The following GRIK5 variants were observed in gnomAD, a reference collection of about 807,000 sequenced individuals.
The protein encoded by GRIK5 is glutamate ionotropic receptor kainate type subunit 5.
Under a neutral mutation model 97.4 loss-of-function variants are expected in GRIK5, and 43 were observed. The ratio of observed to expected loss-of-function variants is 0.44; its 90% CI spans 0.35 to 0.57. The LOEUF (loss-of-function observed/expected upper bound fraction) is 0.57, where lower values mean the gene tolerates loss of function less well. GRIK5 is among the 20% of genes least tolerant of loss of function. The probability of loss-of-function intolerance (pLI) is 0.01; values close to 1 mark genes in which losing one functional copy is unlikely to be tolerated. For synonymous variants in GRIK5, 580 were observed against 583.5 expected, an observed-to-expected ratio of 0.99 and a Z score of 0.09; for missense variants, 1,015 against 1,382.0, an observed-to-expected ratio of 0.73 and a Z score of 4.21.
rs1382940274 is a variant in GRIK5 at position 42,021,015 on chromosome 19, T to A, written c.1871+286A>T. 6.6e-6 allele frequency among the ~76,000 whole-genome samples: 1 copy of A among 152,156 alleles called. No homozygotes were observed. ...ATTGGAGTAGCCATTCTTTTATTCC[T>A]TAGCAGCCTCACTGAATCCTCACAA... On this transcript the variant is annotated intron_variant, in intron 15 of 19. Coordinates refer to ENST00000593562, the MANE Select transcript of GRIK5 (RefSeq NM_002088.5). The surrounding 1 kb of genome is among the most constrained non-coding windows in gnomAD (Gnocchi z 4.2).
At chr19:42,035,518 C>A (rs1039836668) in intron 12 of GRIK5, among the ~76,000 whole-genome samples, 2 of 151,732 alleles carry the variant, frequency 1.3e-5, no homozygotes, top group African/African-American at 4.8e-5. Flanking sequence ...CCAGCCTGGC[C>A]TACATGGTGA....
At position 42,069,652 on chromosome 19, in the gene GRIK5, T is replaced by C. The variant is rs552542355; in HGVS notation, c.-462A>G. ...GCCCCCTCCCCTAGCCGGGCCGGCC[T>C]GGGGGGGCCACAGGGGGCGAGGACT... On this transcript the variant is annotated 5_prime_UTR_variant, in exon 1 of 20. Transcript: ENST00000593562. Among the ~76,000 whole-genome samples the C allele has an allele frequency of 3.4e-3, 249 of 73,508 alleles. 2 individuals are homozygous for C. The highest frequency in any genetic ancestry group is 4.8e-3 in the African/African-American group (88 of 18,472). 48.2% of individuals were successfully genotyped at this position (73,508 alleles called of 152,430 possible). A position where few individuals can be genotyped will look rare whatever the true frequency, so the allele number is the denominator to read the frequency against.
At position 42,054,409 on chromosome 19, in the gene GRIK5, G is replaced by A. The variant is rs371938819; in HGVS notation, c.967C>T (p.Arg323Cys). The change falls in exon 9 of 20, where the codon CGC (arginine) becomes TGC (cysteine). Residue 323 changes from arginine to cysteine, a missense_variant. Arg to Cys is a radical substitution (Grantham distance 180, BLOSUM62 -3). Transcript: ENST00000593562. The stretch of plus-strand genomic sequence containing the variant: ...GGCTTCACACCGATCTCCTGGCTGC[G>A]GTTCAGCTCTCGGACAGCGCTCACC... Reference protein sequence around the residue: ...VVVSAVRELNRSQEIGVKPLA... With the variant: ...VVVSAVRELNCSQEIGVKPLA... 25 of 1,613,712 alleles carry A rather than the reference G, an allele frequency of 1.5e-5. No individual in the cohort carries two copies. Among genetic ancestry groups the A allele is most frequent in the South Asian group, 6.6e-5 (6 of 91,080 alleles).
In GRIK5 at chr19:42,002,839, G is replaced by A. The variant is rs975198839; in HGVS notation, c.2514+493C>T. 6.6e-6 allele frequency among the ~76,000 whole-genome samples: 1 copy of A among 152,070 alleles called. No homozygotes were observed. The highest frequency in any genetic ancestry group is 1.5e-5 in the Non-Finnish European group (1 of 68,002). ...CAATCTCCACCTCCCGGGTTCAAGC[G>A]ATCCTCCCATCTCAGCCTCCCGAGT... On this transcript the variant is annotated intron_variant, in intron 19 of 19. Coordinates refer to ENST00000593562, the MANE Select transcript of GRIK5 (RefSeq NM_002088.5). This position sits in a 1 kb window ranked among gnomAD's most constrained non-coding sequence, Gnocchi z 5.2.
intron 8 of GRIK5, 82 bp downstream of exon 8, chr19:42,056,580 G>T: frequency 1.6e-6 from 2 of 1,223,036 alleles, no homozygotes; most frequent in Non-Finnish European, 2.4e-6. Flanking sequence ...TTCTGAGCAT[G>T]ATCTGAGTGA....
At chr19:42,039,945 G>T (rs541632808) in intron 12 of GRIK5, among the ~76,000 whole-genome samples, 1 of 151,416 alleles carries the variant, frequency 6.6e-6, no homozygotes, top group Admixed American at 6.6e-5. Context: ...GCACTACTGC[G>T]CTCCAGCCTG....
intron 12 of GRIK5, among the ~76,000 whole-genome samples, chr19:42,039,203 GT>G (rs1466116235): frequency 6.6e-6 from 1 of 152,254 alleles, no homozygotes; most frequent in Non-Finnish European, 1.5e-5. Context: ...GCCGGGCATG[GT>G]GGCTCATGCC....
Position 42,065,353 on chromosome 19 carries a change from G to A in GRIK5, c.114C>T (p.Arg38=), listed in dbSNP as rs140950351. The stretch of plus-strand genomic sequence containing the variant: ...CCAAGGCCAAGGCCAGACGCTCACC[G>A]CGGCCACACACTGTCTGATCATCCA... The part of the protein sequence containing the change: ...AILDDQTVCG[R]GERLALALAR... The change falls in exon 3 of 20, where the codon CGC becomes CGT. Residue 38 remains arginine (R), a synonymous_variant. Coordinates refer to ENST00000593562, the MANE Select transcript of GRIK5 (RefSeq NM_002088.5). This position sits in a 1 kb window ranked among gnomAD's most constrained non-coding sequence, Gnocchi z 5.8. 3.4e-5 allele frequency: 54 copies of A among 1,605,026 alleles called. 1 individual carries two copies. The Admixed American group carries it at 4.0e-4, about 12-fold the overall frequency.
intron 5 of GRIK5, among the ~76,000 whole-genome samples, chr19:42,060,543 G>A (rs906521016): frequency 3.3e-5 from 5 of 151,652 alleles, no homozygotes; most frequent in African/African-American, 1.2e-4. Flanking sequence ...AATATCAAGA[G>A]CCAGGCCTGG....
intron 8 of GRIK5, 74 bp downstream of exon 8, chr19:42,056,588 T>G (rs2146152729): frequency 4.8e-5 from 61 of 1,282,632 alleles, no homozygotes; most frequent in Non-Finnish European, 6.7e-5. Context: ...ATGATCTGAG[T>G]GAGGTCTGAA....
At chr19:42,059,597 T>A in intron 5 of GRIK5, 70 bp from the exon 6 acceptor site, 1 of 1,335,126 alleles carries the variant, frequency 7.5e-7, no homozygotes, top group East Asian at 2.3e-5. Context: ...CACTCTCTCC[T>A]CCTCAACATG....
chr19:42,057,977 C>T (rs375915782), intron 6 of GRIK5, among the ~76,000 whole-genome samples: 5 of 152,234 alleles, frequency 3.3e-5, no homozygotes, highest in East Asian at 3.9e-4. Context: ...GCTCTCATCA[C>T]GTGGGTGTCA....
In GRIK5 at chr19:42,053,796, G is replaced by A. The variant is rs199557446; in HGVS notation, c.1161+29C>T. On this transcript the variant is annotated intron_variant, in intron 10 of 19. Coordinates refer to ENST00000593562, the MANE Select transcript of GRIK5 (RefSeq NM_002088.5). ...CCCGCCCCCACCCTCACCCCAGCAG[G>A]GCTCTGGCGTCACCCTGGGTCTGCT... 1.9e-6 allele frequency: 3 copies of A among 1,571,342 alleles called. No homozygotes were observed. In the African/African-American group the frequency reaches 4.0e-5, roughly 21 times the overall value.
At chr19:42,039,304 C>A (rs1257493394) in intron 12 of GRIK5, among the ~76,000 whole-genome samples, 1 of 152,158 alleles carries the variant, frequency 6.6e-6, no homozygotes, top group South Asian at 2.1e-4. Context: ...CGAAACCCAT[C>A]TCTACTAAAA....
At chr19:42,016,209 CAGG>C (rs2075621536) in intron 15 of GRIK5, among the ~76,000 whole-genome samples, 1 of 152,122 alleles carries the variant, frequency 6.6e-6, no homozygotes, top group South Asian at 2.1e-4. Context: ...CATCTGAGGT[CAGG>C]AGTTCAAGAC....
At position 42,001,798 on chromosome 19, in the gene GRIK5, G is replaced by A. The variant is rs2075425833; in HGVS notation, c.2514+1534C>T. 9.7e-6 allele frequency: 3 copies of A among 308,426 alleles called. No individual in the cohort carries two copies. In the South Asian group the frequency reaches 1.9e-4, roughly 19 times the overall value. 19.1% of individuals were successfully genotyped at this position (308,426 alleles called of 1,614,324 possible). A position where few individuals can be genotyped will look rare whatever the true frequency, so the allele number is the denominator to read the frequency against. ...AATGGAAGCTGGCTTTTTAAAAGCT[G>A]TTAAGGTCATTTGTTATGATAGCAA... On this transcript the variant is annotated intron_variant, in intron 19 of 19. Coordinates refer to ENST00000593562, the MANE Select transcript of GRIK5 (RefSeq NM_002088.5).
chr19:42,043,426 G>A (rs1485556118), intron 11 of GRIK5, among the ~76,000 whole-genome samples: 1 of 122,130 alleles, frequency 8.2e-6, no homozygotes, highest in Non-Finnish European at 1.6e-5. Flanking sequence ...TTTTTTTTGA[G>A]ACAGAGTCTT....
At position 42,021,860 on chromosome 19, in the gene GRIK5, T is replaced by A. The variant is rs180728666; in HGVS notation, c.1697+87A>T. 7.6e-4 allele frequency: 622 copies of A among 820,522 alleles called. 6 individuals are homozygous for A. The African/African-American group carries it at 1.0e-2, about 13-fold the overall frequency. 50.8% of individuals were successfully genotyped at this position (820,522 alleles called of 1,614,324 possible). ...GCCCCAAAGGGGAGGCCAAGGACAG[T>A]TCCGAGAGAGAAGAGGCAGGTCGGT... On this transcript the variant is annotated intron_variant, in intron 14 of 19. Transcript: ENST00000593562. This position sits in a 1 kb window ranked among gnomAD's most constrained non-coding sequence, Gnocchi z 4.2.
At chr19:42,024,629 C>T (rs542195394) in intron 12 of GRIK5, among the ~76,000 whole-genome samples, 61 of 152,288 alleles carry the variant, frequency 4.0e-4, no homozygotes, top group African/African-American at 1.2e-3. Context: ...GCCCAGAGCC[C>T]GCAGAGAGCA....
Sources: gnomAD v4.1 joint callset for allele counts (sites outside exome capture counted in the v4.1 genomes callset) on GRCh38, gnomAD v4.1.1 for gene constraint, Gnocchi (gnomAD v3.1) non-coding constraint, MANE v1.5 for transcripts, NCBI Gene and HGNC (gene_info 2026-07-23, HGNC 2026-07-21) for gene names.